GRAMD1B: variants seen among roughly 807,000 people sequenced by gnomAD.
GRAMD1B encodes the protein GRAM domain containing 1B.
In GRAMD1B, 37 loss-of-function variants were observed where a neutral mutation model predicts 99.7. The ratio of observed to expected loss-of-function variants is 0.37; its 90% CI spans 0.29 to 0.49. The LOEUF (loss-of-function observed/expected upper bound fraction) is 0.49. GRAMD1B is among the 20% of genes least tolerant of loss of function. GRAMD1B has a pLI of 0.98. For synonymous variants in GRAMD1B, 427 were observed against 387.6 expected (o/e 1.10, Z -1.19); for missense variants, 888 against 1,009.2 (o/e 0.88, Z 1.63).
chr11:123,382,327 T>G (rs1484314684), intron 1 of GRAMD1B, among the ~76,000 whole-genome samples: 1 of 152,188 alleles, frequency 6.6e-6, no homozygotes, highest in Non-Finnish European at 1.5e-5. Flanking sequence ...TTAGATCTGG[T>G]GCACTTCTCC....
At chr11:123,426,590 T>C (rs56410371), upstream of GRAMD1B, among the ~76,000 whole-genome samples, 41,445 of 151,794 alleles carry the variant, frequency 0.27, 7,691 homozygotes, top group African/African-American at 0.54. Flanking sequence ...GGCCAACCGT[T>C]GGGATTGGCC....
chr11:123,467,833 C>CCTT (rs201070086), intron 1 of GRAMD1B, among the ~76,000 whole-genome samples: 3,405 of 98,814 alleles, frequency 0.034, 160 homozygotes, highest in African/African-American at 0.13. Flanking sequence ...CTCCCTCCCT[C>CCTT]CCTCCCTCCC....
chr11:123,458,356 A>G (rs1950254140), intron 1 of GRAMD1B: 1 of 152,212 alleles, frequency 6.6e-6, no homozygotes, highest in Non-Finnish European at 1.5e-5. Flanking sequence ...CCATTCACAT[A>G]TTCACCTTTT....
At position 123,587,322 on chromosome 11, in the gene GRAMD1B, C is replaced by G. The variant is rs1201154410; in HGVS notation, c.684+2990C>G. ...GTGCCATCTACAGGTGCCCTGAGTC[C>G]TCCCATGCCCAATTATATGTACTCC... On this transcript the variant is annotated intron_variant, in intron 4 of 19. Transcript: ENST00000635736. The surrounding 1 kb of genome is among the most constrained non-coding windows in gnomAD (Gnocchi z 4.2). Among the ~76,000 whole-genome samples, 1 of 152,166 alleles carries G rather than the reference C, an allele frequency of 6.6e-6. No homozygotes were observed. The highest frequency in any genetic ancestry group is 1.5e-5 in the Non-Finnish European group (1 of 68,020).
chr11:123,608,545 C>T (rs1038576140), intron 11 of GRAMD1B, 114 bp from the exon 12 acceptor site: 14 of 1,545,598 alleles, frequency 9.1e-6, no homozygotes, highest in South Asian at 1.2e-5. Flanking sequence ...CTCTCCATAC[C>T]CTTGTTGACT....
At chr11:123,417,165 G>T (rs1279946378) in intron 1 of GRAMD1B, among the ~76,000 whole-genome samples, 1 of 152,142 alleles carries the variant, frequency 6.6e-6, no homozygotes, top group Non-Finnish European at 1.5e-5. Context: ...ACGAGGTCGG[G>T]AGTTCAAGAC....
Position 123,443,731 on chromosome 11 carries a change from C to T in GRAMD1B, c.374+12565C>T, listed in dbSNP as rs191550011. Among the ~76,000 whole-genome samples the T allele has an allele frequency of 1.9e-3, 291 of 152,128 alleles. 4 individuals are homozygous for T. The highest frequency in any genetic ancestry group is 6.6e-3 in the African/African-American group (275 of 41,518). ...CTGAGTAGCTGGGGCTACAGGTGTG[C>T]GCCACCACACCCAGCTAATTTTTGT... is the stretch of plus-strand genomic sequence containing the variant. On this transcript the variant is annotated intron_variant, in intron 1 of 19. Transcript: ENST00000635736.
intron 1 of GRAMD1B, among the ~76,000 whole-genome samples, chr11:123,462,054 C>T (rs1448843106): frequency 1.3e-5 from 2 of 151,272 alleles, no homozygotes; most frequent in East Asian, 3.9e-4. Flanking sequence ...GCAAGGTCCA[C>T]CTCCTGGGTT....
rs760249355 is a variant in GRAMD1B at position 123,577,386 on chromosome 11, C to G, written c.472C>G (p.Arg158Gly). 1.2e-5 allele frequency: 19 copies of G among 1,588,726 alleles called. No individual in the cohort carries two copies. Among genetic ancestry groups the G allele is most frequent in the Non-Finnish European group, 1.4e-5 (16 of 1,168,092 alleles). The change falls in exon 3 of 20, where the codon CGC (arginine) becomes GGC (glycine). Residue 158 changes from arginine (R) to glycine (G), a missense_variant. Arg to Gly is a moderately radical substitution (Grantham distance 125). Around this residue, in one of 5 missense-constraint regions of GRAMD1B, gnomAD observed 233 missense variants for 154.6 expected, o/e 1.51. Transcript: ENST00000635736. ...CTGCAGCACTGCCAGTAACTCCAAC[C>G]GCAGCACGCCGGCCTGCTCGCCCAT... ...REESTASNSN[R>G]STPACSPILR...
At chr11:123,583,107 T>G (rs1398281688) in intron 3 of GRAMD1B, among the ~76,000 whole-genome samples, 4 of 152,122 alleles carry the variant, frequency 2.6e-5, no homozygotes, top group African/African-American at 4.8e-5. Context: ...TGTGTATATG[T>G]GTGTGTATAT....
chr11:123,477,859 C>T (rs903556218), intron 1 of GRAMD1B, among the ~76,000 whole-genome samples: 1 of 151,602 alleles, frequency 6.6e-6, no homozygotes, highest in Non-Finnish European at 1.5e-5. Context: ...CTGCAACCTC[C>T]GCCTCCCTGG....
chr11:123,618,900 T>C, intron 18 of GRAMD1B, 100 bp downstream of exon 18: 1 of 751,062 alleles, frequency 1.3e-6, no homozygotes. Context: ...CCCTTCCCCA[T>C]CCCTCTGGGA....
Position 123,603,510 on chromosome 11 carries a change from G to A in GRAMD1B, c.1135G>A (p.Val379Met). ...CCTGACCAGTGATGACGAGGACTAC[G>A]TGCCCCCTGACGACGACTTCAACAC... ...LGLTSDDEDY[V>M]PPDDDFNTMG... is the part of the protein sequence containing the mutation. Residue 379 changes from valine to methionine, a missense_variant, in exon 9 of 20, where the codon GTG becomes ATG. This residue lies in a region of GRAMD1B where 269 missense variants were observed against 296.6 expected (regional missense o/e 0.91). Transcript: ENST00000635736. The A allele has an allele frequency of 6.2e-7, 1 of 1,613,206 alleles. No individual in the cohort carries two copies. The highest frequency in any genetic ancestry group is 8.5e-7 in the Non-Finnish European group (1 of 1,179,128).
At chr11:123,374,501 G>C (rs1946629975) in intron 1 of GRAMD1B, among the ~76,000 whole-genome samples, 1 of 152,178 alleles carries the variant, frequency 6.6e-6, no homozygotes, top group South Asian at 2.1e-4. Flanking sequence ...AAAAGCCTGA[G>C]AGCAGCCTAA....
At chr11:123,566,771 C>CAA (rs797015346) in intron 2 of GRAMD1B, among the ~76,000 whole-genome samples, 2 of 125,990 alleles carry the variant, frequency 1.6e-5, no homozygotes, top group African/African-American at 2.9e-5. Context: ...ATCTCAAAAG[C>CAA]AAAAAAAAAA....
In GRAMD1B at chr11:123,605,385, A is replaced by G; in HGVS notation, c.1230A>G (p.Ile410Met). The G allele has an allele frequency of 6.2e-7, 1 of 1,613,282 alleles. No homozygotes were observed. Among genetic ancestry groups the G allele is most frequent in the African/African-American group, 1.3e-5 (1 of 75,020 alleles). Residue 410 changes from isoleucine to methionine, a missense_variant, in exon 10 of 20, where the codon ATA (isoleucine) becomes ATG (methionine). Physicochemically the swap from Ile to Met is conservative, Grantham distance 10. This residue lies in a region of GRAMD1B where 269 missense variants were observed against 296.6 expected (regional missense o/e 0.91). Coordinates refer to ENST00000635736, the MANE Select transcript of GRAMD1B (RefSeq NM_001387025.1). Reference sequence around the variant, plus strand: ...ATGACAGCTCATCCAAGAGCAGCATAGAGACCAAGCCAGATGCCAGTCCAC... The same window carrying G: ...ATGACAGCTCATCCAAGAGCAGCATGGAGACCAAGCCAGATGCCAGTCCAC... ...EVNDSSSKSS[I>M]ETKPDASPQL...
At chr11:123,506,005 A>G (rs536280351) in intron 2 of GRAMD1B, among the ~76,000 whole-genome samples, 1 of 152,286 alleles carries the variant, frequency 6.6e-6, no homozygotes, top group South Asian at 2.1e-4. Context: ...TCAGTTTACA[A>G]TCAGCACCCA....
chr11:123,545,683 A>G (rs1944982669), intron 2 of GRAMD1B, among the ~76,000 whole-genome samples: 1 of 152,262 alleles, frequency 6.6e-6, no homozygotes, highest in Non-Finnish European at 1.5e-5. Flanking sequence ...ATTAATATTT[A>G]TAAAGTTCTT....
At chr11:123,401,981 A>G (rs1027548520) in intron 1 of GRAMD1B, among the ~76,000 whole-genome samples, 2 of 152,176 alleles carry the variant, frequency 1.3e-5, no homozygotes, top group Non-Finnish European at 2.9e-5. Flanking sequence ...TGAGCATGAG[A>G]CAGCCAGAAG....
Sources: gnomAD v4.1 joint callset for allele counts (sites outside exome capture counted in the v4.1 genomes callset) on GRCh38, gnomAD v4.1.1 for gene constraint, gnomAD v4.1.1 regional missense constraint, Gnocchi (gnomAD v3.1) non-coding constraint, MANE v1.5 for transcripts, NCBI Gene and HGNC (gene_info 2026-07-23, HGNC 2026-07-21) for gene names.